KCND3: variants seen among roughly 807,000 people sequenced by gnomAD.
KCND3 encodes potassium voltage-gated channel subfamily D member 3.
A neutral mutation model predicts 51.1 loss-of-function variants in KCND3; 9 were observed. The observed-to-expected ratio is 0.18, with a 90% confidence interval of 0.11 to 0.31. KCND3 has a LOEUF of 0.31. KCND3 is among the 10% of genes least tolerant of loss of function. The probability of loss-of-function intolerance (pLI) is 1.00; values close to 1 mark genes in which losing one functional copy is unlikely to be tolerated. For missense variants in KCND3, 526 were observed against 903.8 expected (o/e 0.58, Z 5.36); for synonymous variants, 349 against 368.0 (o/e 0.95, Z 0.59).
intron 2 of KCND3, among the ~76,000 whole-genome samples, chr1:111,809,696 CA>C (rs1379193355): frequency 6.6e-6 from 1 of 152,084 alleles, no homozygotes; most frequent in Non-Finnish European, 1.5e-5. Flanking sequence ...TGCACGCCTG[CA>C]AATGCTTGCA....
Position 111,780,149 on chromosome 1 carries a change from G to T in KCND3, c.1461+76C>A. 7.3e-7 allele frequency: 1 copy of T among 1,377,298 alleles called. No homozygotes were observed. 85.3% of individuals were successfully genotyped at this position (1,377,298 alleles called of 1,614,324 possible). ...GACAGACTTTGACTTCTGGCCCAGA[G>T]TGAAGATGTGAGTACAGCCTTAGAA... On this transcript the variant is annotated intron_variant, in intron 5 of 7. Transcript: ENST00000302127. This position sits in a 1 kb window ranked among gnomAD's most constrained non-coding sequence, Gnocchi z 4.2.
intron 6 of KCND3, 147 bp downstream of exon 6, chr1:111,778,289 T>C: frequency 2.5e-6 from 2 of 805,496 alleles, no homozygotes. Flanking sequence ...CCTGAGCTGG[T>C]GCTGGGTGTG....
At chr1:111,862,065 G>C (rs1371540826) in intron 2 of KCND3, among the ~76,000 whole-genome samples, 1 of 152,226 alleles carries the variant, frequency 6.6e-6, no homozygotes, top group Non-Finnish European at 1.5e-5. Flanking sequence ...GTAGGAACGA[G>C]GGCTTTTATA....
intron 2 of KCND3, among the ~76,000 whole-genome samples, chr1:111,808,152 T>C (rs140078294): frequency 1.5e-3 from 224 of 152,368 alleles, no homozygotes; most frequent in African/African-American, 5.1e-3. Context: ...GGAAAGTCCA[T>C]GCACCTTGTC....
intron 2 of KCND3, among the ~76,000 whole-genome samples, chr1:111,966,499 C>T (rs1245485972): frequency 1.3e-5 from 2 of 152,136 alleles, no homozygotes; most frequent in African/African-American, 4.8e-5. Context: ...CCCATTCATG[C>T]TGCAAACGTC....
chr1:111,809,956 T>G (rs1263124052), intron 2 of KCND3, among the ~76,000 whole-genome samples: 1 of 152,228 alleles, frequency 6.6e-6, no homozygotes, highest in Non-Finnish European at 1.5e-5. Context: ...TGGTTTTTCC[T>G]AGCCCCCTCC....
chr1:111,955,496 C>G (rs1673285184), intron 2 of KCND3, among the ~76,000 whole-genome samples: 1 of 152,188 alleles, frequency 6.6e-6, no homozygotes, highest in Non-Finnish European at 1.5e-5. Flanking sequence ...TCATCCCCTC[C>G]TCTGTGCTTC....
chr1:111,789,001 A>G (rs2101502430), intron 2 of KCND3, among the ~76,000 whole-genome samples: 1 of 152,344 alleles, frequency 6.6e-6, no homozygotes, highest in African/African-American at 2.4e-5. Context: ...AAATAGCCCC[A>G]TTGATGAAGA....
At chr1:111,812,647 T>A (rs574290550) in intron 2 of KCND3, among the ~76,000 whole-genome samples, 2 of 152,326 alleles carry the variant, frequency 1.3e-5, no homozygotes, top group East Asian at 3.9e-4. Flanking sequence ...TTACAGATGA[T>A]GAAACTAGGC....
At chr1:111,969,189 C>T (rs1674189378) in intron 2 of KCND3, among the ~76,000 whole-genome samples, 1 of 152,170 alleles carries the variant, frequency 6.6e-6, no homozygotes, top group African/African-American at 2.4e-5. Context: ...TGCCCACCCT[C>T]GTGTGCCTAC....
Position 111,777,278 on chromosome 1 carries a change from G to A in KCND3, c.1519-5C>T, listed in dbSNP as rs376408039. 1.5e-5 allele frequency: 24 copies of A among 1,613,924 alleles called. No individual in the cohort carries two copies. Among genetic ancestry groups the A allele is most frequent in the African/African-American group, 1.2e-4 (9 of 74,894 alleles). On this transcript the variant is annotated splice_region_variant and splice_polypyrimidine_tract_variant and intron_variant, in intron 6 of 7. Transcript: ENST00000302127. ...CTCATCAATAAACTCGTGGTTCTGC[G>A]GGAGGCAGAAGGAGAAGAAGTAGGA...
At chr1:111,895,039 G>T (rs953787586) in intron 2 of KCND3, among the ~76,000 whole-genome samples, 10 of 150,476 alleles carry the variant, frequency 6.6e-5, no homozygotes, top group African/African-American at 2.4e-4. Flanking sequence ...ATGAGAGGGA[G>T]ATGTGGAGAG....
At chr1:111,833,568 C>T (rs376007460) in intron 2 of KCND3, among the ~76,000 whole-genome samples, 4 of 152,196 alleles carry the variant, frequency 2.6e-5, no homozygotes, top group African/African-American at 4.8e-5. Context: ...GCAAGCCAGC[C>T]AGAATTTGTT....
At chr1:111,907,175 G>C (rs1670687940) in intron 2 of KCND3, among the ~76,000 whole-genome samples, 1 of 152,250 alleles carries the variant, frequency 6.6e-6, no homozygotes, top group Non-Finnish European at 1.5e-5. Flanking sequence ...ATCTCCATGA[G>C]AGAACAGACT....
Position 111,891,871 on chromosome 1 carries a change from T to C in KCND3, c.1106+89750A>G, listed in dbSNP as rs138809569. ...ACACATACTTTCTGACCATCTACTA[T>C]GTTCCAGGAACTGTATTAGATCCTG... On this transcript the variant is annotated intron_variant, in intron 2 of 7. Coordinates refer to ENST00000302127, the MANE Select transcript of KCND3 (RefSeq NM_001378969.1). 3.1e-3 allele frequency among the ~76,000 whole-genome samples: 472 copies of C among 152,348 alleles called. 5 individuals are homozygous for C. Among genetic ancestry groups the C allele is most frequent in the African/African-American group, 0.011 (451 of 41,574 alleles).
intron 2 of KCND3, among the ~76,000 whole-genome samples, chr1:111,969,805 C>T (rs879212126): frequency 2.0e-5 from 3 of 152,034 alleles, no homozygotes; most frequent in Admixed American, 1.3e-4. Flanking sequence ...GCTATTAAAT[C>T]GTCATCTCTG....
At chr1:111,822,091 T>G (rs1666376738) in intron 2 of KCND3, among the ~76,000 whole-genome samples, 1 of 152,116 alleles carries the variant, frequency 6.6e-6, no homozygotes, top group African/African-American at 2.4e-5. Context: ...TTCTTTTTTT[T>G]TTTTGAGTGT....
intron 2 of KCND3, among the ~76,000 whole-genome samples, chr1:111,973,505 C>T (rs1301412316): frequency 2.0e-5 from 3 of 152,172 alleles, no homozygotes; most frequent in Non-Finnish European, 4.4e-5. Context: ...CTGTTGGGAT[C>T]GGAAGTTGCT....
intron 2 of KCND3, among the ~76,000 whole-genome samples, chr1:111,968,438 G>A (rs532947024): frequency 1.3e-5 from 2 of 152,316 alleles, no homozygotes; most frequent in South Asian, 4.2e-4. Context: ...GCATGAAAAA[G>A]AATGAGGCCA....
Sources: allele counts gnomAD v4.1 joint callset (sites outside exome capture counted in the v4.1 genomes callset), GRCh38; gene constraint gnomAD v4.1.1; non-coding constraint Gnocchi (gnomAD v3.1); transcripts MANE v1.5; gene names NCBI Gene and HGNC (gene_info 2026-07-23, HGNC 2026-07-21).